The following PDE1A variants were observed in gnomAD, a reference collection of about 807,000 sequenced individuals.
PDE1A encodes the protein dual specificity calcium/calmodulin-dependent 3',5'-cyclic nucleotide phosphodiesterase 1A.
A neutral mutation model predicts 61.7 loss-of-function variants in PDE1A; 35 were observed. The ratio of observed to expected loss-of-function variants is 0.57; its 90% confidence interval spans 0.43 to 0.75. PDE1A has a LOEUF of 0.75. Among genes scored for constraint, PDE1A ranks in the 30% least tolerant of loss-of-function variants. PDE1A has a pLI of 0.00. For missense variants in PDE1A, 597 were observed against 630.6 expected (o/e 0.95, Z 0.57); for synonymous variants, 232 against 213.2 (o/e 1.09, Z -0.77).
intron 2 of PDE1A, among the ~76,000 whole-genome samples, chr2:182,449,163 G>T (rs1425668027): frequency 6.6e-6 from 1 of 150,490 alleles, no homozygotes; most frequent in Admixed American, 6.7e-5. Flanking sequence ...TGAATAAAAG[G>T]CATCACAAAA....
chr2:182,502,858 C>T (rs1399367101), intron 2 of PDE1A, among the ~76,000 whole-genome samples: 1 of 152,028 alleles, frequency 6.6e-6, no homozygotes, highest in Admixed American at 6.6e-5. Context: ...TATGGAGCTA[C>T]CCCAAACCCC....
chr2:182,561,027 G>C, the PDE1A span, among the ~76,000 whole-genome samples: 6 of 147,348 alleles, frequency 4.1e-5, no homozygotes, highest in South Asian at 4.7e-4. Flanking sequence ...TCTGATGGTA[G>C]TTTCTTTTGC....
intron 2 of PDE1A, among the ~76,000 whole-genome samples, chr2:182,251,106 A>G (rs1289143446): frequency 6.6e-6 from 1 of 152,174 alleles, no homozygotes; most frequent in Non-Finnish European, 1.5e-5. Context: ...ATATTCCATT[A>G]GGCATAGAGC....
At chr2:182,496,800 C>G (rs192466678) in intron 2 of PDE1A, among the ~76,000 whole-genome samples, 190 of 152,326 alleles carry the variant, frequency 1.2e-3, no homozygotes, top group African/African-American at 4.4e-3. Flanking sequence ...AGCTTCCTGA[C>G]TGAATCACAG....
At chr2:182,151,799 G>A (rs2125274973) in intron 13 of PDE1A, among the ~76,000 whole-genome samples, 1 of 152,208 alleles carries the variant, frequency 6.6e-6, no homozygotes, top group Admixed American at 6.5e-5. Context: ...AAAACAAAAT[G>A]ATTTAATAGC....
chr2:182,483,451 G>T (rs1406437748), intron 2 of PDE1A, among the ~76,000 whole-genome samples: 1 of 151,600 alleles, frequency 6.6e-6, no homozygotes, highest in Non-Finnish European at 1.5e-5. Flanking sequence ...AATCATTCAG[G>T]TATTGTCCAC....
chr2:182,451,200 A>T (rs1204506649), intron 2 of PDE1A, among the ~76,000 whole-genome samples: 1 of 36,952 alleles, frequency 2.7e-5, no homozygotes, highest in Non-Finnish European at 5.4e-5. Context: ...AACACGGTGA[A>T]ACCCTGTCTC....
chr2:182,248,002 C>T (rs139456621), intron 2 of PDE1A, among the ~76,000 whole-genome samples: 39 of 151,974 alleles, frequency 2.6e-4, no homozygotes, highest in African/African-American at 7.5e-4. Flanking sequence ...AAACATACAA[C>T]GTGAAAAAAT....
At chr2:182,642,541 T>C in the PDE1A span, among the ~76,000 whole-genome samples, 1 of 152,152 alleles carries the variant, frequency 6.6e-6, no homozygotes, top group Non-Finnish European at 1.5e-5. Flanking sequence ...AGCGCTCTGA[T>C]TGGTCAGGCC....
At chr2:182,669,186 C>G in the PDE1A span, among the ~76,000 whole-genome samples, 1 of 152,292 alleles carries the variant, frequency 6.6e-6, no homozygotes, top group African/African-American at 2.4e-5. Flanking sequence ...AGTGTACTGA[C>G]CCTTCACTCA....
chr2:182,319,243 T>C, intron 1 of PDE1A, among the ~76,000 whole-genome samples: 1 of 152,190 alleles, frequency 6.6e-6, no homozygotes, highest in East Asian at 1.9e-4. Flanking sequence ...AACATATCTT[T>C]ACATAACCTA....
At chr2:182,581,762 A>G in the PDE1A span, among the ~76,000 whole-genome samples, 3 of 152,192 alleles carry the variant, frequency 2.0e-5, no homozygotes, top group African/African-American at 4.8e-5. Flanking sequence ...CAGTGAAATA[A>G]CAGGGCTAGC....
In PDE1A at chr2:182,147,141, G is replaced by C. The variant is rs754867290; in HGVS notation, c.1528C>G (p.Leu510Val). Reference sequence around the variant, plus strand: ...ACTAAGTCTTCTGAGTTCTTATGAAGATCAGATTCACCTAAAAATATAAGG... The same window carrying C: ...ACTAAGTCTTCTGAGTTCTTATGAACATCAGATTCACCTAAAAATATAAGG... The change falls in exon 14 of 14, where the codon CTT becomes GTT. Residue 510 changes from leucine (L) to valine (V), a missense_variant. Coordinates refer to the PDE1A transcript ENST00000409365. The C allele has an allele frequency of 3.1e-6, 5 of 1,593,110 alleles. No homozygotes were observed. In the East Asian group the frequency reaches 1.1e-4, roughly 36 times the overall value.
chr2:182,220,617 A>G (rs1050873633), intron 7 of PDE1A, among the ~76,000 whole-genome samples: 2 of 152,012 alleles, frequency 1.3e-5, no homozygotes, highest in African/African-American at 4.8e-5. Context: ...GTAGCCTGGC[A>G]TTTTCTTTTC....
chr2:182,282,761 T>A lies in PDE1A; in HGVS notation c.54-18347A>T, dbSNP rs529762358. On this transcript the variant is annotated intron_variant, in intron 1 of 13. Transcript: ENST00000351439. Reference sequence around the variant, plus strand: ...CCAATATATAAATATATAGTCTACATGCATGTTTTGTGTCTTAATAAATCT... The same window carrying A: ...CCAATATATAAATATATAGTCTACAAGCATGTTTTGTGTCTTAATAAATCT... Among the ~76,000 whole-genome samples, 4 of 152,180 alleles carry A rather than the reference T, an allele frequency of 2.6e-5. No individual in the cohort carries two copies. The East Asian group carries it at 7.7e-4, about 29-fold the overall frequency.
chr2:182,589,275 GGAAGGA>G, the PDE1A span, among the ~76,000 whole-genome samples: 13 of 59,790 alleles, frequency 2.2e-4, no homozygotes, highest in East Asian at 2.1e-3. Flanking sequence ...GAGGGAGGAA[GGAAGGA>G]AGGAAGGAAG....
At chr2:182,667,359 C>G in the PDE1A span, among the ~76,000 whole-genome samples, 1 of 152,140 alleles carries the variant, frequency 6.6e-6, no homozygotes, top group Non-Finnish European at 1.5e-5. Context: ...TGTCCATTGG[C>G]CTCTGCTCTT....
intron 13 of PDE1A, among the ~76,000 whole-genome samples, chr2:182,172,931 A>G (rs1051829242): frequency 2.6e-5 from 4 of 151,992 alleles, no homozygotes. Flanking sequence ...TGATCTTCCC[A>G]GGAGTAGAGA....
At chr2:182,528,076 T>C (rs1330079101), upstream of PDE1A, among the ~76,000 whole-genome samples, 3 of 152,108 alleles carry the variant, frequency 2.0e-5, no homozygotes, top group African/African-American at 7.2e-5. Context: ...GCTGTAAAGA[T>C]ACTCAAAAAG....
Sources: gnomAD v4.1 joint callset for allele counts (sites outside exome capture counted in the v4.1 genomes callset) on GRCh38, gnomAD v4.1.1 for gene constraint, MANE v1.5 for transcripts, NCBI Gene and HGNC (gene_info 2026-07-23, HGNC 2026-07-21) for gene names.